Variants in ARHGAP18 observed in about 807,000 individuals in gnomAD.
ARHGAP18 encodes the protein Rho GTPase activating protein 18.
In ARHGAP18, 67 loss-of-function variants were observed where a neutral mutation model predicts 86.2. The ratio of observed to expected loss-of-function variants is 0.78; its 90% CI spans 0.64 to 0.95. ARHGAP18 has a LOEUF of 0.95. Ranked by LOEUF, ARHGAP18 falls within the 40% of genes least tolerant of loss-of-function variation. The probability of loss-of-function intolerance (pLI) is 0.00; values close to 1 mark genes in which losing one functional copy is unlikely to be tolerated. For synonymous variants in ARHGAP18, 283 were observed against 280.4 expected, an observed-to-expected ratio of 1.01 and a Z score of -0.09; for missense variants, 691 against 780.4, an observed-to-expected ratio of 0.89 and a Z score of 1.37.
At position 129,629,502 on chromosome 6, in the gene ARHGAP18, C is replaced by T; in HGVS notation, c.637G>A (p.Gly213Ser). 1 of 1,613,108 alleles carries T rather than the reference C, an allele frequency of 6.2e-7. No homozygotes were observed. The highest frequency in any genetic ancestry group is 8.5e-7 in the Non-Finnish European group (1 of 1,179,518). ...GRDDEASNLVGEEKLIPPEET... is the reference protein window; with the variant it reads ...GRDDEASNLVSEEKLIPPEET... Reference sequence around the variant, plus strand: ...TCAGGTGGGATCAGCTTCTCTTCACCAACAAGGTTAGATGCCTCGTCTAGG... The same window carrying T: ...TCAGGTGGGATCAGCTTCTCTTCACTAACAAGGTTAGATGCCTCGTCTAGG... Residue 213 changes from glycine to serine, a missense_variant, in exon 5 of 15, where the codon GGT (glycine) becomes AGT (serine). By Grantham distance (56) the Gly-to-Ser change is moderately conservative. Transcript: ENST00000368149.
At chr6:129,701,776 A>G (rs191516984) in intron 1 of ARHGAP18, among the ~76,000 whole-genome samples, 399 of 152,254 alleles carry the variant, frequency 2.6e-3, no homozygotes, top group Non-Finnish European at 4.5e-3. Context: ...TCTCAAATAA[A>G]AAAAAACAAA....
chr6:129,638,699 A>C, intron 2 of ARHGAP18, 70 bp from the exon 3 acceptor site: 1 of 1,419,642 alleles, frequency 7.0e-7, no homozygotes, highest in Non-Finnish European at 9.6e-7. Flanking sequence ...TAAGCTGTTA[A>C]AAATTCTTAC....
chr6:129,577,541 T>G lies in ARHGAP18; in HGVS notation c.*972A>C, dbSNP rs1243674110. ...TAAAATAAGAACACAAACAAAAGCT[T>G]TTTCACCCAGAAGAATAATTCTTCC... On this transcript the variant is annotated 3_prime_UTR_variant, in exon 15 of 15. Coordinates refer to ENST00000368149, the MANE Select transcript of ARHGAP18 (RefSeq NM_033515.3). The G allele has an allele frequency of 6.6e-6, 1 of 151,942 alleles. No homozygotes were observed. Among genetic ancestry groups the G allele is most frequent in the East Asian group, 1.9e-4 (1 of 5,180 alleles). 9.4% of individuals were successfully genotyped at this position (151,942 alleles called of 1,614,324 possible).
intron 1 of ARHGAP18, among the ~76,000 whole-genome samples, chr6:129,656,235 A>T (rs1773832406): frequency 6.6e-6 from 1 of 152,212 alleles, no homozygotes; most frequent in South Asian, 2.1e-4. Context: ...GGAAACAGTA[A>T]TACAGGGCAG....
intron 5 of ARHGAP18, among the ~76,000 whole-genome samples, chr6:129,620,469 T>C (rs1789204148): frequency 6.6e-6 from 1 of 152,234 alleles, no homozygotes. Context: ...TTCTCAAATA[T>C]CATCTTTTAA....
intron 11 of ARHGAP18, 78 bp downstream of exon 11, chr6:129,600,564 G>T (rs1788715948): frequency 8.1e-7 from 1 of 1,227,506 alleles, no homozygotes; most frequent in Non-Finnish European, 1.1e-6. Context: ...AATTTTAAAT[G>T]TAAATTAATA....
At chr6:129,678,142 A>T (rs1470887199) in intron 1 of ARHGAP18, among the ~76,000 whole-genome samples, 1 of 152,180 alleles carries the variant, frequency 6.6e-6, no homozygotes, top group African/African-American at 2.4e-5. Context: ...GAAGGTGCAA[A>T]CTTCAAGTGT....
Position 129,576,833 on chromosome 6 carries a change from T to C in ARHGAP18, c.*1680A>G, listed in dbSNP as rs909829196. 7.2e-5 allele frequency: 11 copies of C among 152,250 alleles called. No homozygotes were observed. The highest frequency in any genetic ancestry group is 3.3e-4 in the Admixed American group (5 of 15,294). 9.4% of individuals were successfully genotyped at this position (152,250 alleles called of 1,614,324 possible). Reference sequence around the variant, plus strand: ...CCACTAATAAGTACCATTTTGCTAATTGGGAAATTAATACATATTGTCAAA... The same window carrying C: ...CCACTAATAAGTACCATTTTGCTAACTGGGAAATTAATACATATTGTCAAA... On this transcript the variant is annotated 3_prime_UTR_variant, in exon 15 of 15. Coordinates refer to ENST00000368149, the MANE Select transcript of ARHGAP18 (RefSeq NM_033515.3).
intron 1 of ARHGAP18, among the ~76,000 whole-genome samples, chr6:129,692,301 C>A (rs934301251): frequency 1.3e-5 from 2 of 152,152 alleles, no homozygotes; most frequent in South Asian, 2.1e-4. Context: ...GAGTTAAGCT[C>A]GCCTGAGCAG....
chr6:129,599,208 T>A lies in ARHGAP18; in HGVS notation c.1713+8A>T, dbSNP rs1788683851. 3.3e-6 allele frequency: 5 copies of A among 1,532,730 alleles called. No homozygotes were observed. Among genetic ancestry groups the A allele is most frequent in the Non-Finnish European group, 4.4e-6 (5 of 1,147,842 alleles). The allele number at this position is 1,532,730 out of a possible 1,614,324, so 94.9% of individuals were successfully genotyped here. On this transcript the variant is annotated splice_region_variant and intron_variant, in intron 12 of 14. Coordinates refer to ENST00000368149, the MANE Select transcript of ARHGAP18 (RefSeq NM_033515.3). The stretch of plus-strand genomic sequence containing the variant: ...CTGAATAAATACATATCTCCACTAT[T>A]TTCTTACATCATTTGTACTCTTATC...
chr6:129,608,220 TC>T (rs1330351970), intron 8 of ARHGAP18, among the ~76,000 whole-genome samples, 168 bp from the exon 9 acceptor site: 1 of 151,938 alleles, frequency 6.6e-6, no homozygotes, highest in Non-Finnish European at 1.5e-5. Flanking sequence ...AAAAAACTAC[TC>T]CTCTCCTCTA....
intron 1 of ARHGAP18, among the ~76,000 whole-genome samples, chr6:129,688,977 A>G (rs1211177405): frequency 6.6e-6 from 1 of 152,116 alleles, no homozygotes; most frequent in Non-Finnish European, 1.5e-5. Context: ...TGAGAATCTC[A>G]ATGTCACAGA....
At chr6:129,587,694 G>A (rs977726868) in intron 12 of ARHGAP18, among the ~76,000 whole-genome samples, 3 of 151,952 alleles carry the variant, frequency 2.0e-5, no homozygotes, top group African/African-American at 7.3e-5. Context: ...GCAGCATAAG[G>A]GTTACCACCC....
chr6:129,675,469 C>T (rs1047348271), intron 1 of ARHGAP18, among the ~76,000 whole-genome samples: 14 of 152,048 alleles, frequency 9.2e-5, no homozygotes, highest in African/African-American at 3.4e-4. Flanking sequence ...CCCTAACACC[C>T]ATTTTTCACA....
chr6:129,635,011 C>T lies in ARHGAP18; in HGVS notation c.553-906G>A, dbSNP rs73592415. Among the ~76,000 whole-genome samples, 1,026 of 152,132 alleles carry T rather than the reference C, an allele frequency of 6.7e-3. 12 individuals carry two copies. The highest frequency in any genetic ancestry group is 0.022 in the African/African-American group (916 of 41,504). On this transcript the variant is annotated intron_variant, in intron 3 of 14. Coordinates refer to ENST00000368149, the MANE Select transcript of ARHGAP18 (RefSeq NM_033515.3). ...GGTCGGGGCAGTGACGCCCAAGGAA[C>T]GGGGCCTTCCAAAGGTTTATGGAGA...
At chr6:129,615,373 G>A (rs1413443983) in intron 7 of ARHGAP18, among the ~76,000 whole-genome samples, 1 of 152,164 alleles carries the variant, frequency 6.6e-6, no homozygotes, top group Non-Finnish European at 1.5e-5. Flanking sequence ...TGAATGTAGT[G>A]GTAGATATGA....
At chr6:129,597,728 A>C (rs920180518) in intron 12 of ARHGAP18, among the ~76,000 whole-genome samples, 3 of 148,690 alleles carry the variant, frequency 2.0e-5, no homozygotes, top group Non-Finnish European at 4.5e-5. Context: ...CACATAAGGA[A>C]AGAAAAAAAA....
chr6:129,693,928 G>C (rs1009207388), intron 1 of ARHGAP18, among the ~76,000 whole-genome samples: 2 of 152,140 alleles, frequency 1.3e-5, no homozygotes, highest in Admixed American at 6.5e-5. Flanking sequence ...TGAAATGCCA[G>C]TCGACGTCAA....
At chr6:129,597,102 A>C (rs1274676502) in intron 12 of ARHGAP18, among the ~76,000 whole-genome samples, 1 of 151,946 alleles carries the variant, frequency 6.6e-6, no homozygotes, top group Non-Finnish European at 1.5e-5. Flanking sequence ...TACTCTCCCT[A>C]ATAAAATGGC....
Sources: allele counts gnomAD v4.1 joint callset (sites outside exome capture counted in the v4.1 genomes callset), GRCh38; gene constraint gnomAD v4.1.1; transcripts MANE v1.5; gene names NCBI Gene and HGNC (gene_info 2026-07-23, HGNC 2026-07-21).